Variants in NAV2 observed in about 807,000 individuals in gnomAD.
NAV2 encodes neuron navigator 2, also known as helicase, APC down-regulated 1.
A neutral mutation model predicts 223.2 loss-of-function variants in NAV2; 54 were observed. The ratio of observed to expected loss-of-function variants is 0.24; its 90% CI spans 0.19 to 0.30. The LOEUF (loss-of-function observed/expected upper bound fraction) is 0.30, where lower values mean the gene tolerates loss of function less well. Ranked by LOEUF, NAV2 falls within the 10% of genes least tolerant of loss-of-function variation. The pLI, the probability that NAV2 is intolerant of heterozygous loss-of-function variation, is 1.00. For missense variants in NAV2, 2,806 were observed against 3,147.5 expected, an observed-to-expected ratio of 0.89 and a Z score of 2.60; for synonymous variants, 1,279 against 1,239.3, an observed-to-expected ratio of 1.03 and a Z score of -0.67.
At chr11:19,670,656 G>A (rs932137662) in intron 1 of NAV2, among the ~76,000 whole-genome samples, 1 of 152,166 alleles carries the variant, frequency 6.6e-6, no homozygotes, top group Non-Finnish European at 1.5e-5. Flanking sequence ...GGGAGGAGGC[G>A]GGTGCTAATT....
rs115729365 is a variant in NAV2 at position 19,664,236 on chromosome 11, A to C, written c.76-168248A>C. ...TCTGAGTCTCCCTCTTTTTTAGTTT[A>C]CGCTCTTGATTGAAGCCTCCTTTGG... On this transcript the variant is annotated intron_variant, in intron 1 of 37. Coordinates refer to the NAV2 transcript ENST00000360655. Among the ~76,000 whole-genome samples the C allele has an allele frequency of 3.1e-3, 476 of 152,210 alleles. 4 individuals are homozygous for C. Among genetic ancestry groups the C allele is most frequent in the African/African-American group, 0.011 (457 of 41,544 alleles).
chr11:19,796,923 G>A (rs190550748), intron 1 of NAV2, among the ~76,000 whole-genome samples: 2 of 152,068 alleles, frequency 1.3e-5, no homozygotes, highest in East Asian at 1.9e-4. Context: ...CATGCATTTC[G>A]GCCCCCACTT....
chr11:19,642,419 A>G (rs1319891673), intron 1 of NAV2, among the ~76,000 whole-genome samples: 2 of 152,178 alleles, frequency 1.3e-5, no homozygotes, highest in Admixed American at 6.5e-5. Context: ...GCAAACTTCC[A>G]TCTGGAGATG....
intron 1 of NAV2, among the ~76,000 whole-genome samples, chr11:19,598,292 A>G (rs2046262355): frequency 6.6e-6 from 1 of 152,208 alleles, no homozygotes; most frequent in Non-Finnish European, 1.5e-5. Flanking sequence ...CTCACACTGC[A>G]CTTGTGGCAC....
chr11:20,062,766 C>G (rs1346203884), intron 20 of NAV2, among the ~76,000 whole-genome samples: 1 of 152,206 alleles, frequency 6.6e-6, no homozygotes, highest in Non-Finnish European at 1.5e-5. Flanking sequence ...TTGATCTCGG[C>G]TCACTGCAAC....
At chr11:19,740,333 T>C (rs10766584) in intron 1 of NAV2, among the ~76,000 whole-genome samples, 18,689 of 152,150 alleles carry the variant, frequency 0.12, 1,293 homozygotes, top group African/African-American at 0.17. Flanking sequence ...CAGTGCAAGA[T>C]GTGCTTTGTT....
intron 1 of NAV2, among the ~76,000 whole-genome samples, chr11:19,480,437 A>T (rs1401158349): frequency 5.9e-5 from 9 of 151,798 alleles, no homozygotes; most frequent in Admixed American, 5.9e-4. Context: ...GTGGTGCTGG[A>T]CTCTGTTTGC....
chr11:19,541,667 G>A (rs1221313489), intron 1 of NAV2, among the ~76,000 whole-genome samples: 1 of 152,188 alleles, frequency 6.6e-6, no homozygotes, highest in African/African-American at 2.4e-5. Context: ...TCGGGCATCA[G>A]GCAGAGCATA....
chr11:19,631,845 T>C (rs2047356355), intron 1 of NAV2, among the ~76,000 whole-genome samples: 2 of 152,248 alleles, frequency 1.3e-5, no homozygotes, highest in Admixed American at 1.3e-4. Context: ...TAGGAGCCTG[T>C]GTGCTGTCAG....
At chr11:19,378,350 GC>G in intron 1 of NAV2, among the ~76,000 whole-genome samples, 1 of 152,192 alleles carries the variant, frequency 6.6e-6, no homozygotes, top group Non-Finnish European at 1.5e-5. Flanking sequence ...TTACCCCCCT[GC>G]CCTGAGTTTA....
At chr11:19,535,371 A>G (rs1296442478) in intron 1 of NAV2, among the ~76,000 whole-genome samples, 2 of 152,154 alleles carry the variant, frequency 1.3e-5, no homozygotes, top group African/African-American at 2.4e-5. Flanking sequence ...GTAATAGCCT[A>G]GAGGAGGCCC....
intron 1 of NAV2, among the ~76,000 whole-genome samples, chr11:19,576,907 T>C (rs75175115): frequency 0.014 from 2,113 of 152,304 alleles, 51 homozygotes; most frequent in African/African-American, 0.048. Context: ...CTGGCTGTCT[T>C]AGGCTGAGTG....
At position 19,421,764 on chromosome 11, in the gene NAV2, C is replaced by CTTTTT. The variant is rs373669949; in HGVS notation, c.75+70756_75+70760dup. 2.9e-3 allele frequency among the ~76,000 whole-genome samples: 241 copies of CTTTTT among 84,530 alleles called. 15 individuals carry two copies. The highest frequency in any genetic ancestry group is 5.7e-3 in the African/African-American group (120 of 20,892). 55.5% of individuals were successfully genotyped at this position (84,530 alleles called of 152,430 possible). A position where few individuals can be genotyped will look rare whatever the true frequency, so the allele number is the denominator to read the frequency against. On this transcript the variant is annotated intron_variant, in intron 1 of 37. Transcript: ENST00000360655. ...CCCATGAAGTGCCTTAAGAGAGAGG[C>CTTTTT]TTTTTTTTTTTTTTTTTTTTTTTGC...
chr11:19,714,312 T>C (rs1422723380), intron 1 of NAV2: 1 of 522,968 alleles, frequency 1.9e-6, no homozygotes, highest in African/African-American at 1.9e-5. Context: ...AAGAAGCCAG[T>C]ATCCGCAGCA....
At chr11:19,813,457 C>A (rs868139211) in intron 1 of NAV2, among the ~76,000 whole-genome samples, 34 of 152,120 alleles carry the variant, frequency 2.2e-4, no homozygotes, top group African/African-American at 8.2e-4. Context: ...ATTTATTTCC[C>A]CTGAGTGTGT....
chr11:20,086,565 G>T (rs921128674), intron 26 of NAV2, among the ~76,000 whole-genome samples: 1 of 151,918 alleles, frequency 6.6e-6, no homozygotes, highest in African/African-American at 2.4e-5. Flanking sequence ...TTGATTATTT[G>T]TTCTCTGTCC....
At chr11:19,524,479 G>A (rs2702680) in intron 1 of NAV2, among the ~76,000 whole-genome samples, 62,162 of 152,004 alleles carry the variant, frequency 0.41, 13,108 homozygotes, top group African/African-American at 0.49. Context: ...CAGATGGCCC[G>A]GCTCTGCACC....
At chr11:19,463,134 T>G (rs1001812004) in intron 1 of NAV2, among the ~76,000 whole-genome samples, 15 of 152,358 alleles carry the variant, frequency 9.8e-5, no homozygotes, top group African/African-American at 3.6e-4. Flanking sequence ...TATATAAGAC[T>G]CCAAATATCT....
chr11:19,957,746 A>G (rs2153396380), intron 10 of NAV2, among the ~76,000 whole-genome samples: 1 of 152,320 alleles, frequency 6.6e-6, no homozygotes, highest in Middle Eastern at 3.4e-3. Context: ...ACTGCTGGTG[A>G]CGACAGACTT....
Sources: allele counts gnomAD v4.1 joint callset (sites outside exome capture counted in the v4.1 genomes callset), GRCh38; gene constraint gnomAD v4.1.1; transcripts MANE v1.5; gene names NCBI Gene and HGNC (gene_info 2026-07-23, HGNC 2026-07-21).